Variants in OXR1 observed in about 807,000 individuals in gnomAD.
OXR1 encodes oxidation resistance protein 1.
OXR1 carries 41 observed loss-of-function variants against 104.6 expected under a neutral mutation model. The ratio of observed to expected loss-of-function variants is 0.39; its 90% confidence interval spans 0.31 to 0.51. The LOEUF is 0.51. OXR1 is among the 20% of genes least tolerant of loss of function. The pLI, the probability that OXR1 is intolerant of heterozygous loss-of-function variation, is 0.77. For synonymous variants in OXR1, 348 were observed against 348.4 expected (o/e 1.00, Z 0.01); for missense variants, 955 against 1,031.9 (o/e 0.93, Z 1.02).
At chr8:106,408,889 A>G (rs1446074951) in intron 2 of OXR1, among the ~76,000 whole-genome samples, 1 of 152,184 alleles carries the variant, frequency 6.6e-6, no homozygotes, top group East Asian at 1.9e-4. Context: ...ACTGGAGCCA[A>G]CACAACCTGT....
At chr8:106,598,062 C>T (rs1237700269) in intron 3 of OXR1, among the ~76,000 whole-genome samples, 1 of 152,186 alleles carries the variant, frequency 6.6e-6, no homozygotes, top group East Asian at 1.9e-4. Context: ...AGGGCCTTCC[C>T]CCTGTTCCAC....
chr8:106,466,613 A>G (rs1448216073), intron 2 of OXR1, among the ~76,000 whole-genome samples: 3 of 151,870 alleles, frequency 2.0e-5, no homozygotes, highest in Admixed American at 2.0e-4. Flanking sequence ...CCCCCAGAAG[A>G]AATACATTTT....
chr8:106,626,040 C>T (rs1486985081), intron 3 of OXR1, among the ~76,000 whole-genome samples: 4 of 104,286 alleles, frequency 3.8e-5, no homozygotes, highest in South Asian at 2.9e-4. Context: ...CTCTGTTCTG[C>T]GTTTTGTGTG....
At chr8:106,342,544 C>T (rs1478878618) in intron 1 of OXR1, among the ~76,000 whole-genome samples, 2 of 152,246 alleles carry the variant, frequency 1.3e-5, no homozygotes, top group South Asian at 2.1e-4. Context: ...CATGAGCCAC[C>T]GTGCCCGGCC....
At chr8:106,644,023 A>C (rs1823873852) in intron 3 of OXR1, among the ~76,000 whole-genome samples, 1 of 152,204 alleles carries the variant, frequency 6.6e-6, no homozygotes, top group Non-Finnish European at 1.5e-5. Context: ...TTATGAGCCT[A>C]CATGTGTTTT....
intron 3 of OXR1, among the ~76,000 whole-genome samples, chr8:106,592,047 C>T (rs1244089358): frequency 1.3e-5 from 2 of 152,158 alleles, no homozygotes; most frequent in African/African-American, 4.8e-5. Flanking sequence ...TAAAATCATA[C>T]TGAGGAGAAA....
chr8:106,725,299 G>A (rs1833224696), intron 11 of OXR1, among the ~76,000 whole-genome samples: 1 of 152,042 alleles, frequency 6.6e-6, no homozygotes, highest in South Asian at 2.1e-4. Context: ...TGTTAGAAAG[G>A]TAGTGTGTGT....
At chr8:106,705,489 A>G (rs1191264165) in intron 8 of OXR1, among the ~76,000 whole-genome samples, 2 of 152,138 alleles carry the variant, frequency 1.3e-5, no homozygotes, top group African/African-American at 4.8e-5. Flanking sequence ...TTTTGTGTTG[A>G]CTTACTTTAC....
At chr8:106,747,896 G>A (rs1287531957) in intron 16 of OXR1, among the ~76,000 whole-genome samples, 1 of 152,158 alleles carries the variant, frequency 6.6e-6, no homozygotes, top group African/African-American at 2.4e-5. Flanking sequence ...CAATTTTGAG[G>A]TACTACTTAG....
intron 2 of OXR1, among the ~76,000 whole-genome samples, chr8:106,449,527 T>C (rs901967556): frequency 6.6e-6 from 1 of 152,206 alleles, no homozygotes; most frequent in Non-Finnish European, 1.5e-5. Context: ...AAAGTTTGTA[T>C]TGTTATAATT....
intron 3 of OXR1, among the ~76,000 whole-genome samples, chr8:106,578,897 T>G (rs969105465): frequency 6.6e-6 from 1 of 151,962 alleles, no homozygotes; most frequent in Non-Finnish European, 1.5e-5. Flanking sequence ...CTCTTTACCC[T>G]ATTCCCACCC....
At chr8:106,493,286 T>C (rs1314744199) in intron 2 of OXR1, among the ~76,000 whole-genome samples, 1 of 152,152 alleles carries the variant, frequency 6.6e-6, no homozygotes, top group Non-Finnish European at 1.5e-5. Context: ...CAGTATGCAT[T>C]TGTCATATAC....
chr8:106,724,014 A>T (rs1833097228), intron 11 of OXR1, among the ~76,000 whole-genome samples: 1 of 151,642 alleles, frequency 6.6e-6, no homozygotes, highest in South Asian at 2.1e-4. Context: ...TCAATCTTCT[A>T]GGCTCAAGTA....
intron 2 of OXR1, among the ~76,000 whole-genome samples, chr8:106,505,821 T>C (rs1337810243): frequency 6.6e-6 from 1 of 152,182 alleles, no homozygotes; most frequent in Non-Finnish European, 1.5e-5. Context: ...CATTGAAAGA[T>C]GCTTAGAAAT....
chr8:106,466,716 A>T (rs1161388253), intron 2 of OXR1, among the ~76,000 whole-genome samples: 2 of 151,948 alleles, frequency 1.3e-5, no homozygotes, highest in African/African-American at 4.8e-5. Flanking sequence ...TAATTTAGTT[A>T]TACTGGAAAA....
chr8:106,646,208 C>T (rs1174319628), intron 3 of OXR1, among the ~76,000 whole-genome samples: 1 of 151,842 alleles, frequency 6.6e-6, no homozygotes, highest in Admixed American at 6.6e-5. Context: ...CAAGTTCAAA[C>T]GATTCTCCTG....
intron 4 of OXR1, among the ~76,000 whole-genome samples, chr8:106,679,950 G>C (rs140410148): frequency 6.6e-6 from 1 of 152,094 alleles, no homozygotes; most frequent in African/African-American, 2.4e-5. Flanking sequence ...ACTTTTAACT[G>C]AGCTTAATTT....
intron 1 of OXR1, among the ~76,000 whole-genome samples, chr8:106,281,971 G>T (rs891471323): frequency 6.6e-5 from 10 of 151,916 alleles, no homozygotes; most frequent in Non-Finnish European, 2.9e-5. Context: ...AAATACTACT[G>T]ATTTATATGC....
chr8:106,743,860 C>G (rs751516241), intron 15 of OXR1, among the ~76,000 whole-genome samples: 1 of 152,118 alleles, frequency 6.6e-6, no homozygotes, highest in Non-Finnish European at 1.5e-5. Flanking sequence ...AAATGCCCAT[C>G]GATGATAGAC....
Sources: allele counts gnomAD v4.1 joint callset (sites outside exome capture counted in the v4.1 genomes callset), GRCh38; gene constraint gnomAD v4.1.1; transcripts MANE v1.5; gene names NCBI Gene and HGNC (gene_info 2026-07-23, HGNC 2026-07-21).